Variants in GCNT4 observed in about 807,000 individuals in gnomAD.
The protein encoded by GCNT4 is glucosaminyl (N-acetyl) transferase 4.
A neutral mutation model predicts 31.3 loss-of-function variants in GCNT4; 17 were observed. That is an observed-to-expected ratio of 0.54 (90% confidence interval 0.37 to 0.81). GCNT4 has a LOEUF of 0.81. Ranked by LOEUF, GCNT4 falls within the 40% of genes least tolerant of loss-of-function variation. The pLI, the probability that GCNT4 is intolerant of heterozygous loss-of-function variation, is 0.00. For missense variants in GCNT4, 503 were observed against 525.5 expected (o/e 0.96, Z 0.42); for synonymous variants, 158 against 190.6 (o/e 0.83, Z 1.41).
chr5:75,048,630 C>T lies in GCNT4; in HGVS notation c.-142-593G>A, dbSNP rs142742639. On this transcript the variant is annotated intron_variant, in intron 2 of 3. Coordinates refer to ENST00000652361, the MANE Select transcript of GCNT4 (RefSeq NM_001366737.1). ...GCAGAATGCGAAAGCTGAATGCAGG[C>T]TGCAAATCCTTGTTTCTATGAATAG... is the stretch of plus-strand genomic sequence containing the variant. Among the ~76,000 whole-genome samples, 190 of 152,318 alleles carry T rather than the reference C, an allele frequency of 1.2e-3. No homozygotes were observed. The Middle Eastern group carries it at 0.017, about 14-fold the overall frequency.
In GCNT4 at chr5:75,028,888, C is replaced by T; in HGVS notation, c.1150G>A (p.Gly384Arg). ...ATACACACGCTTCGAAGGTGAGATC[C>T]AGTACAACTGGGATAGAAAAAGCCT... ...YEGFFYPSCT[G>R]SHLRSVCIYG... The change falls in exon 4 of 4, where the codon GGA (glycine) becomes AGA (arginine). Residue 384 changes from glycine to arginine, a missense_variant. Transcript: ENST00000652361. 2 of 1,614,024 alleles carry T rather than the reference C, an allele frequency of 1.2e-6. No homozygotes were observed. The highest frequency in any genetic ancestry group is 2.2e-5 in the East Asian group (1 of 44,880).
At chr5:75,051,926 C>A (rs537451173) in intron 2 of GCNT4, among the ~76,000 whole-genome samples, 1 of 152,262 alleles carries the variant, frequency 6.6e-6, no homozygotes, top group East Asian at 1.9e-4. Flanking sequence ...AGAGATAAAT[C>A]AACAACACAT....
rs768192925 is a variant in GCNT4 at position 75,029,382 on chromosome 5, T to G, written c.656A>C (p.Gln219Pro). The G allele has an allele frequency of 1.2e-6, 2 of 1,614,180 alleles. No individual in the cohort carries two copies. Among genetic ancestry groups the G allele is most frequent in the Admixed American group, 1.7e-5 (1 of 60,028 alleles). ...CLSDLLKSSI[Q>P]WKYVINLCGQ... ...ACACAAGTTGATAACATATTTCCAC[T>G]GGATTGAAGACTTCAGAAGGTCCGA... The change falls in exon 4 of 4, where the codon CAG (glutamine) becomes CCG (proline). Residue 219 changes from glutamine to proline, a missense_variant. Coordinates refer to ENST00000652361, the MANE Select transcript of GCNT4 (RefSeq NM_001366737.1).
chr5:75,050,239 C>T (rs141316023), intron 2 of GCNT4, among the ~76,000 whole-genome samples: 23 of 152,284 alleles, frequency 1.5e-4, no homozygotes, highest in Admixed American at 2.0e-4. Flanking sequence ...GTAAATCACT[C>T]GCAGTCACAC....
In GCNT4 at chr5:75,032,872, G is replaced by GGTGGGTGTGTGTGTGTGTGT. The variant is rs55942109; in HGVS notation, c.-1-2835_-1-2834insACACACACACACACACCCAC. On this transcript the variant is annotated intron_variant, in intron 3 of 3. Coordinates refer to ENST00000652361, the MANE Select transcript of GCNT4 (RefSeq NM_001366737.1). ...AGAAGACTAATCAATCCCAAATAGGGGTGTGTGTGTGTGTGTGTGTGTGTG... is the reference window on the plus strand; with the variant it reads ...AGAAGACTAATCAATCCCAAATAGGGGTGGGTGTGTGTGTGTGTGTGTGTGTGTGTGTGTGTGTGTGTGTG... Among the ~76,000 whole-genome samples the GGTGGGTGTGTGTGTGTGTGT allele has an allele frequency of 6.9e-4, 90 of 130,756 alleles. 3 individuals carry two copies. Among genetic ancestry groups the GGTGGGTGTGTGTGTGTGTGT allele is most frequent in the Non-Finnish European group, 1.0e-3 (62 of 59,050 alleles). The allele number at this position is 130,756 out of a possible 152,430, so 85.8% of individuals were successfully genotyped here.
downstream of GCNT4, among the ~76,000 whole-genome samples, chr5:75,023,585 T>C (rs1314405333): frequency 1.3e-5 from 2 of 152,032 alleles, no homozygotes; most frequent in Admixed American, 6.5e-5. Flanking sequence ...GAGTGAATTG[T>C]GGTATGACCA....
At chr5:75,022,808 T>C (rs1009602390), downstream of GCNT4, among the ~76,000 whole-genome samples, 3 of 152,318 alleles carry the variant, frequency 2.0e-5, no homozygotes, top group Non-Finnish European at 2.9e-5. Context: ...AGATGTCATA[T>C]TTTCACTCTG....
rs370271393 is a variant in GCNT4, at chr5:75,042,122, C to T, written c.-2+5775G>A. 9.9e-4 allele frequency among the ~76,000 whole-genome samples: 150 copies of T among 152,270 alleles called. 1 individual carries two copies. The highest frequency in any genetic ancestry group is 3.3e-3 in the South Asian group (16 of 4,810). Reference sequence around the variant, plus strand: ...ATGCATTACATCTTTGCCTCTCAAGCTTTATCAAAGAGGTTTCATTCCTTC... The same window carrying T: ...ATGCATTACATCTTTGCCTCTCAAGTTTTATCAAAGAGGTTTCATTCCTTC... On this transcript the variant is annotated intron_variant, in intron 3 of 3. Transcript: ENST00000652361.
chr5:75,034,527 G>A (rs1388231568), intron 3 of GCNT4, among the ~76,000 whole-genome samples: 2 of 152,202 alleles, frequency 1.3e-5, no homozygotes, highest in Admixed American at 6.5e-5. Context: ...AAAGGCTTAT[G>A]GGCAGGAAGC....
chr5:75,052,298 G>A (rs1743591615), intron 1 of GCNT4, 71 bp from the exon 2 acceptor site: 1 of 151,324 alleles, frequency 6.6e-6, no homozygotes, highest in African/African-American at 2.4e-5. Context: ...GTGCCCCAAG[G>A]CCAATATCGC....
chr5:75,043,259 T>C (rs895238796), intron 3 of GCNT4, among the ~76,000 whole-genome samples: 1 of 152,212 alleles, frequency 6.6e-6, no homozygotes, highest in African/African-American at 2.4e-5. Context: ...GTTAAAACAG[T>C]ATGGTCTGGT....
the GCNT4 span, among the ~76,000 whole-genome samples, chr5:75,019,539 C>A: frequency 1.3e-5 from 2 of 152,212 alleles, no homozygotes; most frequent in African/African-American, 4.8e-5. Flanking sequence ...AAATCCCAAT[C>A]TCAGCTCTGA....
chr5:75,019,971 C>T, the GCNT4 span, among the ~76,000 whole-genome samples: 7 of 152,088 alleles, frequency 4.6e-5, no homozygotes, highest in Non-Finnish European at 1.0e-4. Flanking sequence ...AATGGTTTCA[C>T]TGTTAGACAT....
chr5:75,036,562 C>T (rs1743205766), intron 3 of GCNT4, among the ~76,000 whole-genome samples: 1 of 152,200 alleles, frequency 6.6e-6, no homozygotes, highest in Non-Finnish European at 1.5e-5. Context: ...TTTCTCATTA[C>T]TATGTCTTCT....
At chr5:75,049,216 T>C (rs1049640048) in intron 2 of GCNT4, among the ~76,000 whole-genome samples, 2 of 152,222 alleles carry the variant, frequency 1.3e-5, no homozygotes, top group East Asian at 3.8e-4. Flanking sequence ...TTCTTATTAG[T>C]TCAGCTTCAT....
intron 3 of GCNT4, among the ~76,000 whole-genome samples, chr5:75,043,803 G>T (rs911268033): frequency 6.6e-6 from 1 of 152,148 alleles, no homozygotes; most frequent in Non-Finnish European, 1.5e-5. Flanking sequence ...ATATACATAC[G>T]CATGTCCAGG....
intron 2 of GCNT4, among the ~76,000 whole-genome samples, chr5:75,048,647 T>A (rs1743499431): frequency 6.6e-6 from 1 of 152,206 alleles, no homozygotes; most frequent in Non-Finnish European, 1.5e-5. Context: ...TCCTTGTTTC[T>A]ATGAATAGTA....
intron 3 of GCNT4, among the ~76,000 whole-genome samples, chr5:75,034,183 G>C (rs1471793702): frequency 6.6e-6 from 1 of 152,198 alleles, no homozygotes; most frequent in Non-Finnish European, 1.5e-5. Context: ...GGGGAATGCT[G>C]GCAGGAGGTT....
At position 75,027,751 on chromosome 5, in the gene GCNT4, TATA is replaced by T. The variant is rs781205525; in HGVS notation, c.*922_*924del. On this transcript the variant is annotated 3_prime_UTR_variant, in exon 4 of 4. Transcript: ENST00000652361. ...GCTTGATAGTTCCATACAACAGAAT[TATA>T]ATGATTCCACAGAAAGTATTCCATT... 4 of 152,512 alleles carry T rather than the reference TATA, an allele frequency of 2.6e-5. No individual in the cohort carries two copies. The highest frequency in any genetic ancestry group is 1.3e-4 in the Admixed American group (2 of 15,250). 9.4% of individuals were successfully genotyped at this position (152,512 alleles called of 1,614,324 possible).
Sources: gnomAD v4.1 joint callset for allele counts (sites outside exome capture counted in the v4.1 genomes callset) on GRCh38, gnomAD v4.1.1 for gene constraint, MANE v1.5 for transcripts, NCBI Gene and HGNC (gene_info 2026-07-23, HGNC 2026-07-21) for gene names.